The following PHF21A variants were observed in gnomAD, a reference collection of about 807,000 sequenced individuals.
PHF21A encodes the protein BHC80a.
PHF21A carries 11 observed loss-of-function variants against 82.5 expected under a neutral mutation model. The observed-to-expected ratio is 0.13, with a 90% CI of 0.08 to 0.22. The LOEUF (loss-of-function observed/expected upper bound fraction) is 0.22, where lower values mean the gene tolerates loss of function less well. PHF21A is among the 10% of genes least tolerant of loss of function. PHF21A has a pLI of 1.00. For missense variants in PHF21A, 579 were observed against 837.8 expected (o/e 0.69, Z 3.81); for synonymous variants, 297 against 302.8 (o/e 0.98, Z 0.20).
chr11:46,066,371 T>C (rs2096594554), intron 6 of PHF21A, among the ~76,000 whole-genome samples: 1 of 152,144 alleles, frequency 6.6e-6, no homozygotes, highest in African/African-American at 2.4e-5. Flanking sequence ...ATGGTATACC[T>C]CAACAGTTTT....
At chr11:46,082,210 G>T (rs1318406634) in intron 4 of PHF21A, among the ~76,000 whole-genome samples, 1 of 152,166 alleles carries the variant, frequency 6.6e-6, no homozygotes, top group Admixed American at 6.5e-5. Context: ...CACAATACCA[G>T]ATAGTTTCAG....
intron 6 of PHF21A, among the ~76,000 whole-genome samples, chr11:46,015,644 T>A (rs570964415): frequency 1.3e-5 from 2 of 152,314 alleles, no homozygotes; most frequent in South Asian, 2.1e-4. Context: ...AGTTTTCTAT[T>A]TTTAAATATT....
rs780397923 is a variant in PHF21A, at chr11:45,958,449, T to TATACACACACAC, written c.997-4825_997-4824insGTGTGTGTGTAT. 6.5e-3 allele frequency among the ~76,000 whole-genome samples: 97 copies of TATACACACACAC among 15,030 alleles called. 1 individual carries two copies. Among genetic ancestry groups the TATACACACACAC allele is most frequent in the African/African-American group, 9.4e-3 (49 of 5,218 alleles). The allele number at this position is 15,030 out of a possible 152,430, so 9.9% of individuals were successfully genotyped here. A position where few individuals can be genotyped will look rare whatever the true frequency, so the allele number is the denominator to read the frequency against. The stretch of plus-strand genomic sequence containing the variant: ...ATATATATATATATATATATATATA[T>TATACACACACAC]ACACACACACACACACACACATATA... On this transcript the variant is annotated intron_variant, in intron 10 of 18. Coordinates refer to ENST00000676320, the MANE Select transcript of PHF21A (RefSeq NM_001352027.3).
intron 3 of PHF21A, among the ~76,000 whole-genome samples, chr11:46,088,432 C>A (rs1236878109): frequency 6.6e-6 from 1 of 151,978 alleles, no homozygotes; most frequent in East Asian, 1.9e-4. Flanking sequence ...ACAACAACAA[C>A]AACAAAACAT....
At chr11:46,004,556 C>A (rs1276550605) in intron 6 of PHF21A, among the ~76,000 whole-genome samples, 1 of 152,154 alleles carries the variant, frequency 6.6e-6, no homozygotes, top group African/African-American at 2.4e-5. Flanking sequence ...GTAGCTATGA[C>A]AGAATATTCT....
At chr11:45,981,525 A>G (rs367795112) in intron 6 of PHF21A, among the ~76,000 whole-genome samples, 16 of 151,944 alleles carry the variant, frequency 1.1e-4, no homozygotes, top group Admixed American at 1.0e-3. Context: ...ATTTGGGGCC[A>G]TATTTGGGCT....
Position 45,930,572 on chromosome 11 carries a change from C to T in PHF21A, c.*3396G>A, listed in dbSNP as rs1236930507. On this transcript the variant is annotated 3_prime_UTR_variant, in exon 19 of 19. Coordinates refer to ENST00000676320, the MANE Select transcript of PHF21A (RefSeq NM_001352027.3). ...CCATGAAAGAAAAAGGACCCACAGG[C>T]AGCAAGAATGCAGAGGTGGAGATGA... 4 of 152,750 alleles carry T rather than the reference C, an allele frequency of 2.6e-5. No individual in the cohort carries two copies. Among genetic ancestry groups the T allele is most frequent in the African/African-American group, 9.6e-5 (4 of 41,492 alleles). The allele number at this position is 152,750 out of a possible 1,614,324, so 9.5% of individuals were successfully genotyped here. A position where few individuals can be genotyped will look rare whatever the true frequency, so the allele number is the denominator to read the frequency against.
At chr11:45,971,890 C>CTTTCTGTTTTTTTTTTTTTTTTTTTTTTT in intron 7 of PHF21A, among the ~76,000 whole-genome samples, 1 of 50,300 alleles carries the variant, frequency 2.0e-5, no homozygotes, top group Non-Finnish European at 3.9e-5. Context: ...CTTTTTCTTT[C>CTTTCTGTTTTTTTTTTTTTTTTTTTTTTT]TTTTTTTTTT....
At chr11:46,101,665 C>T (rs2097096933) in intron 1 of PHF21A, among the ~76,000 whole-genome samples, 2 of 152,102 alleles carry the variant, frequency 1.3e-5, no homozygotes, top group African/African-American at 2.4e-5. Flanking sequence ...CAGTGTCTCG[C>T]TTTGTTGCCC....
chr11:45,977,330 T>C (rs1391924702), intron 7 of PHF21A, among the ~76,000 whole-genome samples: 1 of 151,846 alleles, frequency 6.6e-6, no homozygotes, highest in Non-Finnish European at 1.5e-5. Context: ...AGAGATGGAG[T>C]TTTGCCATGT....
chr11:46,016,551 T>C (rs1451575322), intron 6 of PHF21A, among the ~76,000 whole-genome samples: 1 of 152,138 alleles, frequency 6.6e-6, no homozygotes, highest in Admixed American at 6.6e-5. Flanking sequence ...ATTTCTTACA[T>C]AAACCCTTCC....
chr11:45,942,512 T>A (rs1462390198), intron 15 of PHF21A, among the ~76,000 whole-genome samples: 1 of 152,204 alleles, frequency 6.6e-6, no homozygotes, highest in Non-Finnish European at 1.5e-5. Flanking sequence ...GCAAACAAGA[T>A]TTCTGAGAGA....
intron 6 of PHF21A, among the ~76,000 whole-genome samples, chr11:46,045,815 A>G (rs879753234): frequency 6.6e-6 from 1 of 152,100 alleles, no homozygotes; most frequent in Non-Finnish European, 1.5e-5. Flanking sequence ...TTATGAGACC[A>G]CAGCAGGCAG....
chr11:45,934,499 TA>T, intron 18 of PHF21A: 1 of 382,500 alleles, frequency 2.6e-6, no homozygotes, highest in Non-Finnish European at 4.7e-6. Context: ...TACTAACGCT[TA>T]AAAACAAACC....
intron 7 of PHF21A, among the ~76,000 whole-genome samples, chr11:45,977,446 T>A (rs1248418648): frequency 6.6e-6 from 1 of 152,122 alleles, no homozygotes; most frequent in Non-Finnish European, 1.5e-5. Context: ...CTCCTTTGAT[T>A]TTTATAACAT....
At chr11:46,067,705 A>G (rs1565826881) in intron 6 of PHF21A, among the ~76,000 whole-genome samples, 1 of 152,146 alleles carries the variant, frequency 6.6e-6, no homozygotes. Context: ...TGAGGGCATA[A>G]TGAATTAATA....
chr11:45,968,571 T>C (rs984983520), intron 9 of PHF21A, among the ~76,000 whole-genome samples: 8 of 152,230 alleles, frequency 5.3e-5, no homozygotes, highest in African/African-American at 1.9e-4. Flanking sequence ...GCTAGGATTT[T>C]AGGTCAGACT....
At chr11:46,004,574 TTTC>T (rs1485056636) in intron 6 of PHF21A, among the ~76,000 whole-genome samples, 1 of 152,204 alleles carries the variant, frequency 6.6e-6, no homozygotes, top group African/African-American at 2.4e-5. Flanking sequence ...TCTCTATTCT[TTTC>T]TTCAACATAA....
intron 10 of PHF21A, among the ~76,000 whole-genome samples, chr11:45,964,201 A>AATAATAATAATAATG: frequency 1.3e-3 from 1 of 784 alleles, no homozygotes; most frequent in East Asian, 0.071. Flanking sequence ...TCCATCTCAA[A>AATAATAATAATAATG]ATAATAATAA....
Sources: allele counts gnomAD v4.1 joint callset (sites outside exome capture counted in the v4.1 genomes callset), GRCh38; gene constraint gnomAD v4.1.1; transcripts MANE v1.5; gene names NCBI Gene and HGNC (gene_info 2026-07-23, HGNC 2026-07-21).